The following TTN variants were observed in gnomAD, a reference collection of about 807,000 sequenced individuals.
TTN encodes the protein connectin.
A neutral mutation model predicts 3,223.0 loss-of-function variants in TTN; 1,525 were observed. That is an observed-to-expected ratio of 0.47 (90% confidence interval 0.45 to 0.49). TTN has a LOEUF of 0.49. Among genes scored for constraint, TTN ranks in the 20% least tolerant of loss-of-function variants. The probability of loss-of-function intolerance (pLI) is 0.00; values close to 1 mark genes in which losing one functional copy is unlikely to be tolerated. For missense variants in TTN, 40,786 were observed against 43,424.0 expected (o/e 0.94, Z 5.40); for synonymous variants, 14,094 against 15,161.0 (o/e 0.93, Z 5.17).
At position 178,544,003 on chromosome 2, in the gene TTN, C is replaced by T. The variant is rs752553035; in HGVS notation, c.96141G>A (p.Thr32047=). ...SVSGRPPPVI[T]WSKQGIDLAS... ...CAAGGTCAATGCCCTGCTTGCTCCA[C>T]GTTATGACAGGAGGTGGTCTTCCAG... is the stretch of plus-strand genomic sequence containing the variant. Residue 32047 remains threonine, a synonymous_variant, in exon 346 of 363, where the codon ACG becomes ACA. Transcript: ENST00000589042. 15 of 1,613,652 alleles carry T rather than the reference C, an allele frequency of 9.3e-6. No homozygotes were observed. The highest frequency in any genetic ancestry group is 3.3e-4 in the Middle Eastern group (2 of 6,058).
chr2:178,558,020 C>T lies in TTN; in HGVS notation c.87334G>A (p.Ala29112Thr), dbSNP rs895853838. The T allele has an allele frequency of 1.1e-5, 17 of 1,613,756 alleles. No homozygotes were observed. The highest frequency in any genetic ancestry group is 2.2e-5 in the East Asian group (1 of 44,884). ...GCAGCAGTGATTTCATATCTCCCAG[C>T]GTCAGCTGTAACACTTTCTTTGAGA... ...INLKESVTAD[A>T]GRYEITAANS... Residue 29112 changes from alanine (A) to threonine (T), a missense_variant, in exon 328 of 363, where the codon GCT (alanine) becomes ACT (threonine). Physicochemically the swap from Ala to Thr is moderately conservative, Grantham distance 58. Coordinates refer to ENST00000589042, the MANE Select transcript of TTN (RefSeq NM_001267550.2).
In TTN at chr2:178,568,523, A is replaced by G. The variant is rs754843336; in HGVS notation, c.77609T>C (p.Ile25870Thr). 5 of 1,613,422 alleles carry G rather than the reference A, an allele frequency of 3.1e-6. No individual in the cohort carries two copies. Among genetic ancestry groups the G allele is most frequent in the Non-Finnish European group, 4.2e-6 (5 of 1,179,544 alleles). Residue 25870 changes from isoleucine to threonine, a missense_variant, in exon 326 of 363, where the codon ATC (isoleucine) becomes ACC (threonine). Coordinates refer to ENST00000589042, the MANE Select transcript of TTN (RefSeq NM_001267550.2). ...THKDDGGQYG[I>T]TVANVVGQKT... ...CTGACCAACAACATTGGCAACTGTG[A>G]TTCCATATTGTCCACCATCATCCTT...
In TTN at chr2:178,560,597, A is replaced by G. The variant is rs1018186238; in HGVS notation, c.85535T>C (p.Val28512Ala). The change falls in exon 326 of 363, where the codon GTA becomes GCA. Residue 28512 changes from valine to alanine, a missense_variant. Transcript: ENST00000589042. ...EGELQMTSCKVTKLLKGNEYI... is the reference protein window; with the variant it reads ...EGELQMTSCKATKLLKGNEYI... ...TTCATTGCCTTTGAGTAACTTGGTTACTTTACAGGATGTCATCTGTAACTC... is the reference window on the plus strand; with the variant it reads ...TTCATTGCCTTTGAGTAACTTGGTTGCTTTACAGGATGTCATCTGTAACTC... 6.2e-7 allele frequency: 1 copy of G among 1,613,398 alleles called. No individual in the cohort carries two copies. Among genetic ancestry groups the G allele is most frequent in the African/African-American group, 1.3e-5 (1 of 74,934 alleles).
chr2:178,744,979 C>A, intron 47 of TTN: 1 of 985,154 alleles, frequency 1.0e-6, no homozygotes, highest in Non-Finnish European at 1.2e-6. Context: ...ATAACGAAAA[C>A]ATTTTTAAAA....
chr2:178,767,150 T>C (rs2090598594), intron 40 of TTN, among the ~76,000 whole-genome samples: 1 of 152,194 alleles, frequency 6.6e-6, no homozygotes, highest in African/African-American at 2.4e-5. Context: ...CTGGTTTTCT[T>C]TGGATGAGCA....
chr2:178,597,655 C>G lies in TTN; in HGVS notation c.57427G>C (p.Ala19143Pro). 1 of 1,613,282 alleles carries G rather than the reference C, an allele frequency of 6.2e-7. No individual in the cohort carries two copies. The highest frequency in any genetic ancestry group is 1.7e-5 in the Admixed American group (1 of 59,960). Reference protein sequence around the residue: ...LPQEATIETTAISSSMVIKNC... With the variant: ...LPQEATIETTPISSSMVIKNC... ...TTGATGACCATGGATGAGCTAATGGCTGTGGTCTCAATGGTGGCTTCTTGA... is the reference window on the plus strand; with the variant it reads ...TTGATGACCATGGATGAGCTAATGGGTGTGGTCTCAATGGTGGCTTCTTGA... The change falls in exon 294 of 363, where the codon GCC becomes CCC. Residue 19143 changes from alanine to proline, a missense_variant. Transcript: ENST00000589042.
rs1337736297 is a variant in TTN at position 178,537,132 on chromosome 2, T to C, written c.99977A>G (p.Tyr33326Cys). ...ADDGGSWITN[Y>C]VVEKCEAKEG... ...CTTGGCCTCACATTTTTCCACCACA[T>C]AGTTGGTGATCCAGGAGCCTCCGTC... The change falls in exon 356 of 363, where the codon TAT becomes TGT. Residue 33326 changes from tyrosine (Y) to cysteine (C), a missense_variant. Tyr to Cys is a radical substitution (Grantham distance 194). Transcript: ENST00000589042. 6.2e-7 allele frequency: 1 copy of C among 1,613,496 alleles called. No homozygotes were observed. The highest frequency in any genetic ancestry group is 8.5e-7 in the Non-Finnish European group (1 of 1,179,656).
In TTN at chr2:178,609,218, G is replaced by A. The variant is rs2055709006; in HGVS notation, c.52092C>T (p.Val17364=). 2.0e-6 allele frequency: 3 copies of A among 1,510,646 alleles called. No homozygotes were observed. The highest frequency in any genetic ancestry group is 2.6e-6 in the Non-Finnish European group (3 of 1,134,928). 93.6% of individuals were successfully genotyped at this position (1,510,646 alleles called of 1,614,324 possible). A position where few individuals can be genotyped will look rare whatever the true frequency, so the allele number is the denominator to read the frequency against. ...DHGIAKAPCT[V]SVLDTPGPPI... ...GTTTTAATGACTCACCTAACACACT[G>A]ACAGTACAAGGAGCTTTTGCAATAC... Residue 17364 remains valine, a synonymous_variant, in exon 273 of 363, where the codon GTC becomes GTT. Transcript: ENST00000589042.
At chr2:178,797,974 A>T (rs1300787547) in intron 6 of TTN, among the ~76,000 whole-genome samples, 1 of 152,062 alleles carries the variant, frequency 6.6e-6, no homozygotes, top group Non-Finnish European at 1.5e-5. Context: ...TGGATAGCTA[A>T]TTGGACCAGC....
chr2:178,749,000 T>C (rs376273814), intron 47 of TTN: 12 of 1,612,344 alleles, frequency 7.4e-6, no homozygotes, highest in African/African-American at 5.3e-5. Flanking sequence ...TTTTTCTACA[T>C]GTAATTTTTC....
Position 178,547,583 on chromosome 2 carries a change from T to A in TTN, c.94043A>T (p.Lys31348Met), listed in dbSNP as rs769112668. 2.5e-5 allele frequency: 41 copies of A among 1,613,874 alleles called. No homozygotes were observed. In the South Asian group the frequency reaches 4.2e-4, roughly 16 times the overall value. ...GTEITNYIVEKRESGTTAWQL... is the reference protein window; with the variant it reads ...GTEITNYIVEMRESGTTAWQL... ...CCAAGCTGTTGTACCCGATTCACGCTTTTCAACTATGTAATTAGTAATTTC... is the reference window on the plus strand; with the variant it reads ...CCAAGCTGTTGTACCCGATTCACGCATTTCAACTATGTAATTAGTAATTTC... The change falls in exon 339 of 363, where the codon AAG becomes ATG. Residue 31348 changes from lysine to methionine, a missense_variant. By Grantham distance (95) the Lys-to-Met change is moderately conservative (BLOSUM62 -1). Coordinates refer to ENST00000589042, the MANE Select transcript of TTN (RefSeq NM_001267550.2).
chr2:178,776,626 T>C lies in TTN; in HGVS notation c.5238A>G (p.Glu1746=), dbSNP rs1054040157. The C allele has an allele frequency of 6.2e-7, 1 of 1,614,110 alleles. No individual in the cohort carries two copies. Among genetic ancestry groups the C allele is most frequent in the African/African-American group, 1.3e-5 (1 of 75,056 alleles). The change falls in exon 28 of 363, where the codon GAA becomes GAG. Residue 1746 remains glutamate (E), a synonymous_variant. Transcript: ENST00000589042. The stretch of plus-strand genomic sequence containing the variant: ...TGATCATACGGAGCCTGTTGGCTGC[T>C]TCAAGTGGCTTTCCATCATGGAGCC... ...VEWLHDGKPL[E]AANRLRMINE...
rs2077359221 is a variant in TTN, at chr2:178,715,558, T to C, written c.25856A>G (p.Asp8619Gly). ...MHNLSVEDSG[D>G]YTCEAHNAAG... ...TGCATTGTGGGCCTCACAGGTGTAG[T>C]CTCCACTGTCTTCAACACTGAGATT... is the stretch of plus-strand genomic sequence containing the variant. Residue 8619 changes from aspartate (D) to glycine (G), a missense_variant, in exon 89 of 363, where the codon GAC becomes GGC. By Grantham distance (94) the Asp-to-Gly change is moderately conservative. Coordinates refer to ENST00000589042, the MANE Select transcript of TTN (RefSeq NM_001267550.2). The C allele has an allele frequency of 3.7e-6, 6 of 1,613,484 alleles. No homozygotes were observed. Among genetic ancestry groups the C allele is most frequent in the Middle Eastern group, 3.3e-4 (2 of 6,056 alleles).
rs72646807 is a variant in TTN at position 178,608,098 on chromosome 2, T to C, written c.52706-17A>G. On this transcript the variant is annotated splice_polypyrimidine_tract_variant and intron_variant, in intron 275 of 362. Coordinates refer to ENST00000589042, the MANE Select transcript of TTN (RefSeq NM_001267550.2). The stretch of plus-strand genomic sequence containing the variant: ...CAGGAGGAGCTAGAATGAATGAAGA[T>C]AGACAAATCAAACTCCCTGATGGTT... 31,166 of 1,609,572 alleles carry C rather than the reference T, an allele frequency of 0.019. 405 individuals carry two copies. The highest frequency in any genetic ancestry group is 0.086 in the Middle Eastern group (521 of 6,040).
In TTN at chr2:178,741,598, T is replaced by C. The variant is rs765448965; in HGVS notation, c.11635A>G (p.Ile3879Val). The change falls in exon 48 of 363, where the codon ATT becomes GTT. Residue 3879 changes from isoleucine to valine, a missense_variant. Transcript: ENST00000589042. ...VFDGDDHSLI[I>V]LFTKLEDEGE... is the part of the protein sequence containing the mutation. ...TCATCCTCCAATTTGGTGAACAGAA[T>C]GATCAGGCTATGATCATCACCGTCA... 3.1e-6 allele frequency: 5 copies of C among 1,613,884 alleles called. No individual in the cohort carries two copies. The highest frequency in any genetic ancestry group is 2.2e-5 in the East Asian group (1 of 44,862).
chr2:178,689,481 G>A, intron 123 of TTN, 34 bp downstream of exon 123: 1 of 1,603,034 alleles, frequency 6.2e-7, no homozygotes, highest in African/African-American at 1.3e-5. Flanking sequence ...TTGAAGGAAA[G>A]ACAAGGTTAT....
rs1708427922 is a variant in TTN at position 178,572,121 on chromosome 2, C to T, written c.74011G>A (p.Val24671Ile). 9.9e-6 allele frequency: 16 copies of T among 1,613,114 alleles called. No homozygotes were observed. The highest frequency in any genetic ancestry group is 1.7e-5 in the Admixed American group (1 of 59,960). The stretch of plus-strand genomic sequence containing the variant: ...AATCCAGTGATAGTGGCTTCAGTGA[C>T]CTTGACTGTGGCACACGTGGCCCAT... ...DKWATCATVK[V>I]TEATITGLIQ... The change falls in exon 326 of 363, where the codon GTC becomes ATC. Residue 24671 changes from valine (V) to isoleucine (I), a missense_variant. Val to Ile is a conservative substitution (Grantham distance 29). Coordinates refer to ENST00000589042, the MANE Select transcript of TTN (RefSeq NM_001267550.2).
rs781781445 is a variant in TTN, at chr2:178,569,884, G to A, written c.76248C>T (p.Asp25416=). The change falls in exon 326 of 363, where the codon GAC becomes GAT. Residue 25416 remains aspartate, a synonymous_variant. Coordinates refer to ENST00000589042, the MANE Select transcript of TTN (RefSeq NM_001267550.2). Reference sequence around the variant, plus strand: ...AAAGGAATACTGAAGATCTGGTTATGTCTATGACTTTGGGGTTGTTTGGGG... The same window carrying A: ...AAAGGAATACTGAAGATCTGGTTATATCTATGACTTTGGGGTTGTTTGGGG... The part of the protein sequence containing the change: ...PGPPNNPKVI[D]ITRSSVFLSW... The A allele has an allele frequency of 6.2e-7, 1 of 1,613,398 alleles. No individual in the cohort carries two copies. Among genetic ancestry groups the A allele is most frequent in the Non-Finnish European group, 8.5e-7 (1 of 1,179,610 alleles).
rs1278982841 is a variant in TTN, at chr2:178,725,373, A to T, written c.20831T>A (p.Val6944Asp). The change falls in exon 71 of 363, where the codon GTC (valine) becomes GAC (aspartate). Residue 6944 changes from valine to aspartate, a missense_variant. Coordinates refer to ENST00000589042, the MANE Select transcript of TTN (RefSeq NM_001267550.2). ...TCGTGGGCTATTGTACCAACCTAAGACCATCAGTGTGGCCATGTTCTCCCT... is the reference window on the plus strand; with the variant it reads ...TCGTGGGCTATTGTACCAACCTAAGTCCATCAGTGTGGCCATGTTCTCCCT... ...GMRENMATLM[V>D]LEPAVIVEKA... 1.3e-6 allele frequency: 2 copies of T among 1,561,390 alleles called. No homozygotes were observed. The highest frequency in any genetic ancestry group is 3.7e-5 in the Admixed American group (2 of 54,582).
Sources: gnomAD v4.1 joint callset for allele counts (sites outside exome capture counted in the v4.1 genomes callset) on GRCh38, gnomAD v4.1.1 for gene constraint, MANE v1.5 for transcripts, NCBI Gene and HGNC (gene_info 2026-07-23, HGNC 2026-07-21) for gene names.